Variants in WWOX observed in about 807,000 individuals in gnomAD.
The protein encoded by WWOX is WW domain-containing oxidoreductase.
A neutral mutation model predicts 46.2 loss-of-function variants in WWOX; 69 were observed. The ratio of observed to expected loss-of-function variants is 1.49; its 90% CI spans 1.23 to 1.82. The LOEUF (loss-of-function observed/expected upper bound fraction) is 1.82, where lower values mean the gene tolerates loss of function less well. WWOX is among the 40% of genes most tolerant of loss of function. The probability of loss-of-function intolerance (pLI) is 0.00; values close to 1 mark genes in which losing one functional copy is unlikely to be tolerated. For missense variants in WWOX, 919 were observed against 542.6 expected (o/e 1.69, Z -6.89); for synonymous variants, 359 against 202.6 (o/e 1.77, Z -6.56).
In WWOX at chr16:78,680,049, T is replaced by C. The variant is rs369308201; in HGVS notation, c.1056+247297T>C. 3.2e-4 allele frequency among the ~76,000 whole-genome samples: 49 copies of C among 152,346 alleles called. No individual in the cohort carries two copies. In the South Asian group the frequency reaches 8.9e-3, roughly 28 times the overall value. On this transcript the variant is annotated intron_variant, in intron 8 of 8. Coordinates refer to ENST00000566780, the MANE Select transcript of WWOX (RefSeq NM_016373.4). ...ATTTTACCTCTGCAAGCCTCAGTTT[T>C]CTCATCTGTAAAGTAGGGATAACAT... is the stretch of plus-strand genomic sequence containing the variant.
chr16:78,187,010 G>C (rs572184682), intron 5 of WWOX, among the ~76,000 whole-genome samples: 63 of 152,158 alleles, frequency 4.1e-4, no homozygotes, highest in African/African-American at 8.9e-4. Flanking sequence ...GGCTCTCTCT[G>C]TGTGTGTGTA....
chr16:78,355,331 A>T (rs532005248), intron 5 of WWOX, among the ~76,000 whole-genome samples: 1 of 151,974 alleles, frequency 6.6e-6, no homozygotes, highest in South Asian at 2.1e-4. Flanking sequence ...TGCTGGGCGC[A>T]GTGGCTCACG....
At chr16:78,209,689 G>C (rs1446342779) in intron 5 of WWOX, among the ~76,000 whole-genome samples, 1 of 151,582 alleles carries the variant, frequency 6.6e-6, no homozygotes, top group Non-Finnish European at 1.5e-5. Flanking sequence ...AGCCTTACAG[G>C]TTAAAGGAGA....
At chr16:78,871,565 T>G (rs2044129360) in intron 8 of WWOX, among the ~76,000 whole-genome samples, 1 of 152,124 alleles carries the variant, frequency 6.6e-6, no homozygotes, top group East Asian at 1.9e-4. Flanking sequence ...GTGGTGACAA[T>G]CTAAATCCTA....
rs1008265339 is a variant in WWOX, at chr16:78,825,989, C to A, written c.1057-385619C>A. 5.4e-6 allele frequency: 4 copies of A among 736,136 alleles called. No individual in the cohort carries two copies. In the African/African-American group the frequency reaches 7.0e-5, roughly 13 times the overall value. 45.6% of individuals were successfully genotyped at this position (736,136 alleles called of 1,614,324 possible). ...GCCAGAGCCGCCTGCTATGCCCCAG[C>A]CAGTCCCCATAGCATAACGGGCTGT... On this transcript the variant is annotated intron_variant, in intron 8 of 8. Transcript: ENST00000566780.
chr16:78,978,049 C>A (rs2046607912), intron 8 of WWOX, among the ~76,000 whole-genome samples: 1 of 152,238 alleles, frequency 6.6e-6, no homozygotes, highest in Non-Finnish European at 1.5e-5. Flanking sequence ...ACCCATTCCT[C>A]TTCCCTACCA....
chr16:78,461,865 C>T (rs770534837), intron 8 of WWOX, among the ~76,000 whole-genome samples: 1 of 152,188 alleles, frequency 6.6e-6, no homozygotes, highest in Non-Finnish European at 1.5e-5. Flanking sequence ...TCATGCAATA[C>T]CAACTGCTGG....
At chr16:78,155,852 G>A (rs770524770) in intron 4 of WWOX, among the ~76,000 whole-genome samples, 3 of 152,092 alleles carry the variant, frequency 2.0e-5, no homozygotes, top group Non-Finnish European at 2.9e-5. Context: ...TTATTCTCTT[G>A]GGTTTTATCC....
intron 8 of WWOX, among the ~76,000 whole-genome samples, chr16:79,192,326 T>C (rs1391561068): frequency 6.6e-6 from 1 of 151,980 alleles, no homozygotes; most frequent in East Asian, 1.9e-4. Flanking sequence ...CATTCATTCA[T>C]TCATTCATTC....
chr16:78,415,060 C>CT (rs1217717417), intron 6 of WWOX, among the ~76,000 whole-genome samples: 34 of 148,024 alleles, frequency 2.3e-4, no homozygotes, highest in African/African-American at 8.4e-4. Context: ...TATTGATTAG[C>CT]TATAATATAT....
At chr16:78,367,352 A>T (rs1410112507) in intron 5 of WWOX, among the ~76,000 whole-genome samples, 1 of 152,216 alleles carries the variant, frequency 6.6e-6, no homozygotes, top group East Asian at 1.9e-4. Flanking sequence ...GGCCCAGGAC[A>T]GCTTTGCAGC....
chr16:78,756,836 G>T (rs1050491899), intron 8 of WWOX: 26 of 682,328 alleles, frequency 3.8e-5, no homozygotes, highest in Admixed American at 3.7e-4. Flanking sequence ...CTACTGACCT[G>T]TATAATCGAT....
chr16:78,543,260 G>C (rs994345286), intron 8 of WWOX, among the ~76,000 whole-genome samples: 1 of 152,190 alleles, frequency 6.6e-6, no homozygotes, highest in South Asian at 2.1e-4. Context: ...GAAGTGTCAC[G>C]AGTCGTTTCC....
chr16:78,982,311 C>T (rs6564630), intron 8 of WWOX, among the ~76,000 whole-genome samples: 150,803 of 152,308 alleles, frequency 0.99, 74,677 homozygotes, highest in East Asian at 1. Flanking sequence ...TTTGAGCAAT[C>T]ATCTGGGGAA....
At chr16:78,530,703 C>G (rs554813549) in intron 8 of WWOX, among the ~76,000 whole-genome samples, 6 of 152,212 alleles carry the variant, frequency 3.9e-5, no homozygotes, top group African/African-American at 1.4e-4. Flanking sequence ...TCACCACGGA[C>G]CTGCCCTCTT....
chr16:78,520,226 A>G (rs999165263), intron 8 of WWOX, among the ~76,000 whole-genome samples: 1 of 152,130 alleles, frequency 6.6e-6, no homozygotes, highest in African/African-American at 2.4e-5. Flanking sequence ...TTGAAAATGG[A>G]TTTTTATCAT....
At chr16:78,968,776 A>G (rs987404573) in intron 8 of WWOX, among the ~76,000 whole-genome samples, 21 of 152,260 alleles carry the variant, frequency 1.4e-4, no homozygotes, top group African/African-American at 4.6e-4. Flanking sequence ...GATTAAAGCT[A>G]TTGGAGATAG....
chr16:78,750,865 G>A (rs575572267), intron 8 of WWOX, among the ~76,000 whole-genome samples: 8 of 152,162 alleles, frequency 5.3e-5, no homozygotes, highest in African/African-American at 9.6e-5. Flanking sequence ...TGGTGTATAC[G>A]TACCACATTT....
chr16:78,142,024 T>C (rs984365675), intron 4 of WWOX, among the ~76,000 whole-genome samples: 23 of 151,350 alleles, frequency 1.5e-4, no homozygotes, highest in African/African-American at 5.3e-4. Flanking sequence ...TGGTGCTCCC[T>C]AACTGATTTC....
Sources: gnomAD v4.1 joint callset for allele counts (sites outside exome capture counted in the v4.1 genomes callset) on GRCh38, gnomAD v4.1.1 for gene constraint, MANE v1.5 for transcripts, NCBI Gene and HGNC (gene_info 2026-07-23, HGNC 2026-07-21) for gene names.